CRY1: variants seen among roughly 807,000 people sequenced by gnomAD.
CRY1 encodes cryptochrome-1.
In CRY1, 45 loss-of-function variants were observed where a neutral mutation model predicts 76.0. The ratio of observed to expected loss-of-function variants is 0.59; its 90% CI spans 0.47 to 0.76. The LOEUF (loss-of-function observed/expected upper bound fraction) is 0.76, where lower values mean the gene tolerates loss of function less well. CRY1 is among the 30% of genes least tolerant of loss of function. The probability of loss-of-function intolerance (pLI) is 0.00; values close to 1 mark genes in which losing one functional copy is unlikely to be tolerated. For missense variants in CRY1, 587 were observed against 716.4 expected (o/e 0.82, Z 2.06); for synonymous variants, 248 against 244.0 (o/e 1.02, Z -0.15).
chr12:107,088,257 CAATT>C (rs1358211120), intron 1 of CRY1, among the ~76,000 whole-genome samples: 1 of 151,992 alleles, frequency 6.6e-6, no homozygotes, highest in Non-Finnish European at 1.5e-5. Context: ...ATTAACAGAA[CAATT>C]AATTATTAAA....
chr12:107,031,223 T>C lies in CRY1; in HGVS notation c.159-9031A>G, dbSNP rs571373197. ...CTAAAGTCAGCTTTAGCCCTGGGGA[T>C]TTCTGCAGAGCCCTGAGAACTCTGA... On this transcript the variant is annotated intron_variant, in intron 1 of 12. Transcript: ENST00000008527. Among the ~76,000 whole-genome samples, 4 of 152,276 alleles carry C rather than the reference T, an allele frequency of 2.6e-5. No individual in the cohort carries two copies. The South Asian group carries it at 8.3e-4, about 32-fold the overall frequency.
chr12:107,049,118 T>G (rs1302621739), intron 1 of CRY1, among the ~76,000 whole-genome samples: 1 of 152,170 alleles, frequency 6.6e-6, no homozygotes, highest in East Asian at 1.9e-4. Flanking sequence ...ACTCACTCTA[T>G]TCCTAGGATA....
At position 107,093,006 on chromosome 12, in the gene CRY1, A is replaced by G; in HGVS notation, c.-45T>C. 1.4e-6 allele frequency: 2 copies of G among 1,479,710 alleles called. No homozygotes were observed. Among genetic ancestry groups the G allele is most frequent in the Non-Finnish European group, 1.8e-6 (2 of 1,120,432 alleles). 91.7% of individuals were successfully genotyped at this position (1,479,710 alleles called of 1,614,324 possible). Reference sequence around the variant, plus strand: ...CCTCCACGGAGAAATTCAAGGAAGGAGGCTCCGGCTCATAGCCGACACCTT... The same window carrying G: ...CCTCCACGGAGAAATTCAAGGAAGGGGGCTCCGGCTCATAGCCGACACCTT... On this transcript the variant is annotated 5_prime_UTR_variant, in exon 1 of 13. Transcript: ENST00000008527.
chr12:107,033,671 C>A (rs1476757865), intron 1 of CRY1, among the ~76,000 whole-genome samples: 2 of 151,928 alleles, frequency 1.3e-5, no homozygotes, highest in Non-Finnish European at 2.9e-5. Context: ...TAAAGAGTAG[C>A]AACAAAATCT....
chr12:107,001,917 G>C lies in CRY1; in HGVS notation c.442C>G (p.Leu148Val), dbSNP rs765830354. 6.3e-7 allele frequency: 1 copy of C among 1,597,924 alleles called. No individual in the cohort carries two copies. The highest frequency in any genetic ancestry group is 8.5e-7 in the Non-Finnish European group (1 of 1,175,396). ...AGAGTCTGGAATCTTTTATAAGTTA[G>C]AGGCGGTTGTCCACCATTGAGTTCT... ...IIELNGGQPPLTYKRFQTLIS... is the reference protein window; with the variant it reads ...IIELNGGQPPVTYKRFQTLIS... Residue 148 changes from leucine to valine, a missense_variant, in exon 4 of 13, where the codon CTA becomes GTA. Transcript: ENST00000008527.
chr12:107,075,244 T>C (rs1458224886), intron 1 of CRY1, among the ~76,000 whole-genome samples: 3 of 152,198 alleles, frequency 2.0e-5, no homozygotes, highest in African/African-American at 7.2e-5. Context: ...GAAGAGTCAG[T>C]TGTGTTTCTC....
chr12:107,084,673 A>C (rs1414812350), intron 1 of CRY1, among the ~76,000 whole-genome samples: 1 of 152,216 alleles, frequency 6.6e-6, no homozygotes, highest in East Asian at 1.9e-4. Context: ...AAATTCACTC[A>C]AGACGAATTA....
chr12:107,057,841 T>C (rs1953001292), intron 1 of CRY1, among the ~76,000 whole-genome samples: 1 of 151,874 alleles, frequency 6.6e-6, no homozygotes, highest in Non-Finnish European at 1.5e-5. Flanking sequence ...AGAGAACTGA[T>C]TGAGGCCAGG....
At chr12:107,013,921 G>A (rs1292684005) in intron 2 of CRY1, among the ~76,000 whole-genome samples, 1 of 152,094 alleles carries the variant, frequency 6.6e-6, no homozygotes, top group African/African-American at 2.4e-5. Flanking sequence ...CTTTTTTAAT[G>A]TGGCTATTAG....
At chr12:107,003,632 G>T (rs1952336852) in intron 3 of CRY1, among the ~76,000 whole-genome samples, 1 of 152,020 alleles carries the variant, frequency 6.6e-6, no homozygotes, top group South Asian at 2.1e-4. Context: ...TTATTCATAG[G>T]GTTGCAATGA....
At chr12:107,085,151 A>T (rs1953381684) in intron 1 of CRY1, among the ~76,000 whole-genome samples, 1 of 152,234 alleles carries the variant, frequency 6.6e-6, no homozygotes. Context: ...GATTATTAAA[A>T]GTCAGGAAAC....
At chr12:107,045,172 C>A (rs1274558389) in intron 1 of CRY1, among the ~76,000 whole-genome samples, 1 of 151,962 alleles carries the variant, frequency 6.6e-6, no homozygotes, top group African/African-American at 2.4e-5. Context: ...AGACTAATAG[C>A]AGATTTCTCT....
intron 1 of CRY1, among the ~76,000 whole-genome samples, chr12:107,064,583 C>G (rs1953088844): frequency 6.6e-6 from 1 of 152,124 alleles, no homozygotes; most frequent in Non-Finnish European, 1.5e-5. Flanking sequence ...AGTGGAAGCA[C>G]ATAAAAAGAC....
chr12:107,067,030 G>T (rs2136888616), intron 1 of CRY1, among the ~76,000 whole-genome samples: 1 of 152,192 alleles, frequency 6.6e-6, no homozygotes, highest in Admixed American at 6.5e-5. Flanking sequence ...GGCTGGTCTT[G>T]AACTCCTGGG....
chr12:107,050,867 G>C (rs563368289), intron 1 of CRY1, among the ~76,000 whole-genome samples: 1 of 151,962 alleles, frequency 6.6e-6, no homozygotes, highest in African/African-American at 2.4e-5. Flanking sequence ...AAGAAGGAGG[G>C]GGCAGCATGA....
chr12:107,021,774 A>G (rs753728559), intron 2 of CRY1, among the ~76,000 whole-genome samples: 3 of 152,154 alleles, frequency 2.0e-5, no homozygotes, highest in Non-Finnish European at 4.4e-5. Context: ...TATGCAAAGA[A>G]TATTTCTAAT....
intron 1 of CRY1, among the ~76,000 whole-genome samples, chr12:107,088,291 CCT>C (rs1443856332): frequency 2.6e-5 from 4 of 151,846 alleles, no homozygotes; most frequent in African/African-American, 9.7e-5. Flanking sequence ...GTATCCCTCC[CCT>C]CTCTCTCTCG....
At chr12:107,059,220 G>C (rs1329642758) in intron 1 of CRY1, among the ~76,000 whole-genome samples, 2 of 152,056 alleles carry the variant, frequency 1.3e-5, no homozygotes, top group African/African-American at 4.8e-5. Context: ...CCCCCAAATT[G>C]ATATCATAAC....
At chr12:107,008,831 C>G (rs571073819) in intron 2 of CRY1, among the ~76,000 whole-genome samples, 2 of 152,242 alleles carry the variant, frequency 1.3e-5, no homozygotes, top group African/African-American at 2.4e-5. Flanking sequence ...CTCACAAGGT[C>G]TGATGGTTTT....
Sources: allele counts gnomAD v4.1 joint callset (sites outside exome capture counted in the v4.1 genomes callset), GRCh38; gene constraint gnomAD v4.1.1; transcripts MANE v1.5; gene names NCBI Gene and HGNC (gene_info 2026-07-23, HGNC 2026-07-21).